The following CLECL1 variants were observed in gnomAD, a reference collection of about 807,000 sequenced individuals.
CLECL1 encodes the protein C-type lectin-like domain family 1.
chr12:9,729,071 A>G (rs1430503514), intron 2 of CLECL1, among the ~76,000 whole-genome samples: 1 of 152,056 alleles, frequency 6.6e-6, no homozygotes, highest in Non-Finnish European at 1.5e-5. Flanking sequence ...TCAATAAAAC[A>G]TTAAAATAAT....
chr12:9,707,830 G>A, the CLECL1 span, among the ~76,000 whole-genome samples: 6 of 152,268 alleles, frequency 3.9e-5, no homozygotes, highest in East Asian at 3.9e-4. Flanking sequence ...GGTTCAAAAT[G>A]GCTATCTCTT....
chr12:9,728,116 TATGA>T (rs1209203031), intron 2 of CLECL1, among the ~76,000 whole-genome samples: 3 of 151,830 alleles, frequency 2.0e-5, no homozygotes, highest in Admixed American at 6.6e-5. Context: ...ATGCTGCATA[TATGA>T]GATAGAGTTA....
At chr12:9,720,639 C>G (rs1792190413), downstream of CLECL1, among the ~76,000 whole-genome samples, 2 of 152,088 alleles carry the variant, frequency 1.3e-5, no homozygotes, top group Non-Finnish European at 2.9e-5. Flanking sequence ...CCGCGCCCAG[C>G]CGCCACCTCT....
At chr12:9,721,023 G>A (rs745896946), downstream of CLECL1, among the ~76,000 whole-genome samples, 3 of 152,086 alleles carry the variant, frequency 2.0e-5, no homozygotes, top group Non-Finnish European at 2.9e-5. Flanking sequence ...AGTTAATTTG[G>A]CTATTTTCCA....
downstream of CLECL1, among the ~76,000 whole-genome samples, chr12:9,719,250 G>A (rs868766196): frequency 6.6e-6 from 1 of 152,120 alleles, no homozygotes; most frequent in South Asian, 2.1e-4. Flanking sequence ...GCCTAGGCTG[G>A]GCGTGTTGGC....
the CLECL1 span, among the ~76,000 whole-genome samples, chr12:9,702,845 T>G: frequency 5.3e-4 from 81 of 152,344 alleles, no homozygotes; most frequent in African/African-American, 1.9e-3. Flanking sequence ...TTGGTAGCAT[T>G]AAATCTGAAG....
intron 2 of CLECL1, among the ~76,000 whole-genome samples, chr12:9,717,056 GTCCTGGAGGATTATTGT>G (rs746473844): frequency 6.6e-6 from 1 of 152,180 alleles, no homozygotes; most frequent in Non-Finnish European, 1.5e-5. Context: ...TACCCAGCAA[GTCCTGGAGGATTATTGT>G]TCCTGGAAGT....
At chr12:9,703,375 GTTATTTATTTAT>G in the CLECL1 span, among the ~76,000 whole-genome samples, 32 of 148,032 alleles carry the variant, frequency 2.2e-4, no homozygotes, top group South Asian at 8.6e-4. Context: ...TTTGTGCTAG[GTTATTTATTTAT>G]TTATTTATTT....
chr12:9,724,453 A>C (rs1201787688), intron 3 of CLECL1, among the ~76,000 whole-genome samples: 2 of 152,200 alleles, frequency 1.3e-5, no homozygotes, highest in Non-Finnish European at 2.9e-5. Context: ...ACTGTGCTTA[A>C]TGACATAATA....
chr12:9,730,823 G>A (rs1866438184), intron 1 of CLECL1, among the ~76,000 whole-genome samples: 1 of 151,990 alleles, frequency 6.6e-6, no homozygotes, highest in Non-Finnish European at 1.5e-5. Context: ...CTGAGTAGCT[G>A]TGAATACAGG....
chr12:9,731,948 C>G (rs1030318397), intron 1 of CLECL1, among the ~76,000 whole-genome samples: 2 of 152,074 alleles, frequency 1.3e-5, no homozygotes, highest in African/African-American at 4.8e-5. Context: ...CAGTGCAGTT[C>G]TAGTCCATGT....
downstream of CLECL1, among the ~76,000 whole-genome samples, chr12:9,720,630 C>T (rs1435418240): frequency 5.9e-5 from 9 of 152,012 alleles, no homozygotes; most frequent in East Asian, 1.9e-4. Context: ...TGTGAGCCAC[C>T]GCGCCCAGCC....
intron 1 of CLECL1, among the ~76,000 whole-genome samples, chr12:9,732,382 A>T (rs1227751687): frequency 6.6e-6 from 1 of 152,238 alleles, no homozygotes; most frequent in Non-Finnish European, 1.5e-5. Flanking sequence ...GGGTTTGGTG[A>T]TGAAGGCACC....
At chr12:9,730,244 C>T (rs1435629840) in intron 1 of CLECL1, among the ~76,000 whole-genome samples, 3 of 152,122 alleles carry the variant, frequency 2.0e-5, no homozygotes, top group East Asian at 1.9e-4. Context: ...GTGCTGCCTT[C>T]GGTATCCACA....
upstream of CLECL1, chr12:9,733,365 A>G (rs10492165): frequency 0.51 from 381,790 of 750,548 alleles, 98,924 homozygotes; most frequent in African/African-American, 0.65. Flanking sequence ...TCTCCTATAG[A>G]CCACTTCCTC....
Position 9,723,820 on chromosome 12 carries a change from C to T in CLECL1, n.263-1007G>A, listed in dbSNP as rs114093506. On this transcript the variant is annotated intron_variant and non_coding_transcript_variant, in intron 3 of 3. Transcript: ENST00000621400. ...CAGGTTATGGTAAGAACAAGACAAC[C>T]GAACTGAGACTTGACCTGCTGCCCC... 4.3e-3 allele frequency among the ~76,000 whole-genome samples: 657 copies of T among 152,132 alleles called. 7 individuals carry two copies. The highest frequency in any genetic ancestry group is 0.014 in the African/African-American group (593 of 41,500).
chr12:9,715,129 T>C (rs2121035369), downstream of CLECL1, among the ~76,000 whole-genome samples: 1 of 152,324 alleles, frequency 6.6e-6, no homozygotes, highest in South Asian at 2.1e-4. Flanking sequence ...CTTTTTTATC[T>C]TCTTTCTAAG....
downstream of CLECL1, among the ~76,000 whole-genome samples, chr12:9,711,868 G>A (rs1169102101): frequency 6.6e-6 from 1 of 152,030 alleles, no homozygotes; most frequent in African/African-American, 2.4e-5. Context: ...CTGGATTCCT[G>A]ACATTCCTAC....
At chr12:9,723,766 C>T (rs1866343031) in intron 3 of CLECL1, among the ~76,000 whole-genome samples, 2 of 151,984 alleles carry the variant, frequency 1.3e-5, no homozygotes, top group Non-Finnish European at 2.9e-5. Context: ...ATTTTTTTCC[C>T]CAAATCTCTG....
Sources: gnomAD v4.1 joint callset for allele counts (sites outside exome capture counted in the v4.1 genomes callset) on GRCh38, gnomAD v4.1.1 for gene constraint, MANE v1.5 for transcripts, NCBI Gene and HGNC (gene_info 2026-07-23, HGNC 2026-07-21) for gene names.